The following ADCK1 variants were observed in gnomAD, a reference collection of about 807,000 sequenced individuals.
ADCK1 encodes aarF domain-containing protein kinase 1.
In ADCK1, 41 loss-of-function variants were observed where a neutral mutation model predicts 52.3. The observed-to-expected ratio is 0.78, with a 90% CI of 0.61 to 1.02. The LOEUF is 1.02. Ranked by LOEUF, ADCK1 falls within the 50% of genes least tolerant of loss-of-function variation. The probability of loss-of-function intolerance (pLI) is 0.00; values close to 1 mark genes in which losing one functional copy is unlikely to be tolerated. For missense variants in ADCK1, 658 were observed against 679.5 expected (o/e 0.97, Z 0.35); for synonymous variants, 250 against 274.6 (o/e 0.91, Z 0.89).
intron 1 of ADCK1, among the ~76,000 whole-genome samples, chr14:77,816,530 A>G (rs1290773021): frequency 6.6e-6 from 1 of 152,184 alleles, no homozygotes; most frequent in Non-Finnish European, 1.5e-5. Context: ...AAGAGGGCTG[A>G]TAGCTGAGCA....
At chr14:77,816,401 C>T (rs550309767) in intron 1 of ADCK1, among the ~76,000 whole-genome samples, 2 of 146,130 alleles carry the variant, frequency 1.4e-5, no homozygotes, top group Admixed American at 1.4e-4. Flanking sequence ...AAGGCAGGAT[C>T]GTGGTCTTTC....
intron 7 of ADCK1, among the ~76,000 whole-genome samples, chr14:77,914,126 C>A (rs2083862054): frequency 6.6e-6 from 1 of 152,190 alleles, no homozygotes; most frequent in Non-Finnish European, 1.5e-5. Context: ...CTGCTTGAGG[C>A]TCAGCAGTAA....
chr14:77,857,691 T>A (rs933868959), intron 3 of ADCK1, among the ~76,000 whole-genome samples: 3 of 152,206 alleles, frequency 2.0e-5, no homozygotes, highest in Admixed American at 6.5e-5. Context: ...TTATACAGGA[T>A]CTTTGAATGC....
At chr14:77,835,348 C>T (rs2081938966) in intron 3 of ADCK1, among the ~76,000 whole-genome samples, 1 of 152,228 alleles carries the variant, frequency 6.6e-6, no homozygotes, top group African/African-American at 2.4e-5. Context: ...CAGTTGTAGC[C>T]TATGGGTACT....
chr14:77,901,870 C>T (rs1173321944), intron 6 of ADCK1, among the ~76,000 whole-genome samples: 1 of 152,182 alleles, frequency 6.6e-6, no homozygotes, highest in East Asian at 1.9e-4. Context: ...TTCTGGTTGT[C>T]TACACTGAGC....
intron 3 of ADCK1, among the ~76,000 whole-genome samples, chr14:77,856,714 T>C (rs1037454853): frequency 6.6e-6 from 1 of 152,194 alleles, no homozygotes; most frequent in African/African-American, 2.4e-5. Context: ...ACAATGCTTT[T>C]AATTAATATG....
chr14:77,817,521 C>T (rs1274482915), intron 1 of ADCK1, among the ~76,000 whole-genome samples: 1 of 152,144 alleles, frequency 6.6e-6, no homozygotes, highest in Non-Finnish European at 1.5e-5. Flanking sequence ...GCACTGGCCG[C>T]AAAGAGTGAC....
chr14:77,842,559 AT>A (rs1406061302), intron 3 of ADCK1, among the ~76,000 whole-genome samples: 2 of 75,264 alleles, frequency 2.7e-5, no homozygotes, highest in South Asian at 3.8e-4. Context: ...CTTCCTTTCT[AT>A]TTTTTTTTGT....
chr14:77,885,307 G>A (rs771876640), intron 4 of ADCK1, among the ~76,000 whole-genome samples: 1 of 152,194 alleles, frequency 6.6e-6, no homozygotes, highest in Non-Finnish European at 1.5e-5. Context: ...AGACAAGTGT[G>A]TTTTTGGGGG....
intron 4 of ADCK1, among the ~76,000 whole-genome samples, chr14:77,870,177 G>A (rs1032947335): frequency 6.6e-5 from 10 of 152,256 alleles, no homozygotes; most frequent in African/African-American, 2.4e-4. Flanking sequence ...AAGGCTGGTA[G>A]ATTACCATTC....
chr14:77,831,338 A>G (rs1195032493), intron 3 of ADCK1, among the ~76,000 whole-genome samples: 2 of 152,160 alleles, frequency 1.3e-5, no homozygotes, highest in East Asian at 3.9e-4. Flanking sequence ...TGTTATGCAT[A>G]CTAGGGCTCC....
rs377302968 is a variant in ADCK1, at chr14:77,819,135, G to A, written c.135+22G>A. On this transcript the variant is annotated intron_variant, in intron 2 of 10. Transcript: ENST00000238561. ...TACGGTAGGTTTTTCCCTTTTGGGG[G>A]TAGCAGAGAAGCTGCAGGATTACTT... 714 of 1,613,026 alleles carry A rather than the reference G, an allele frequency of 4.4e-4. 2 individuals are homozygous for A. The highest frequency in any genetic ancestry group is 6.0e-4 in the Non-Finnish European group (704 of 1,179,536).
At chr14:77,889,895 A>AAC (rs2083245083) in intron 5 of ADCK1, among the ~76,000 whole-genome samples, 1 of 151,472 alleles carries the variant, frequency 6.6e-6, no homozygotes, top group South Asian at 2.1e-4. Context: ...TTAAAAAAAA[A>AAC]AAAAAAAAAC....
intron 7 of ADCK1, among the ~76,000 whole-genome samples, chr14:77,919,684 A>G (rs1338559034): frequency 6.6e-6 from 1 of 152,220 alleles, no homozygotes; most frequent in Non-Finnish European, 1.5e-5. Flanking sequence ...TTGTTGTACT[A>G]GTTTACATTC....
intron 3 of ADCK1, among the ~76,000 whole-genome samples, chr14:77,856,992 A>G (rs963051731): frequency 1.1e-4 from 16 of 152,154 alleles, no homozygotes; most frequent in African/African-American, 3.1e-4. Flanking sequence ...TCTCCAAAAA[A>G]AAAAAAGTCT....
intron 1 of ADCK1, among the ~76,000 whole-genome samples, chr14:77,816,715 G>T (rs1468786357): frequency 6.6e-6 from 1 of 151,572 alleles, no homozygotes. Context: ...CAGCTTGATC[G>T]AACCCAAAGA....
intron 3 of ADCK1, among the ~76,000 whole-genome samples, chr14:77,824,590 C>T (rs138883557): frequency 0.01 from 1,522 of 151,918 alleles, 29 homozygotes; most frequent in African/African-American, 0.034. Flanking sequence ...CGCACCACCA[C>T]GCCTGGCTAA....
At chr14:77,848,935 C>G (rs1431035883) in intron 3 of ADCK1, among the ~76,000 whole-genome samples, 1 of 152,014 alleles carries the variant, frequency 6.6e-6, no homozygotes, top group Non-Finnish European at 1.5e-5. Flanking sequence ...ACGTCATTCT[C>G]CTGCCTCAGC....
chr14:77,852,920 T>A (rs1179772931), intron 3 of ADCK1, among the ~76,000 whole-genome samples: 82 of 79,664 alleles, frequency 1.0e-3, no homozygotes, highest in Non-Finnish European at 1.7e-3. Flanking sequence ...TTTTTTTTTT[T>A]TTTTTTTTTT....
Sources: allele counts gnomAD v4.1 joint callset (sites outside exome capture counted in the v4.1 genomes callset), GRCh38; gene constraint gnomAD v4.1.1; transcripts MANE v1.5; gene names NCBI Gene and HGNC (gene_info 2026-07-23, HGNC 2026-07-21).